Variants in PTPN9 observed in about 807,000 individuals in gnomAD.
PTPN9 encodes the protein protein tyrosine phosphatase non-receptor type 9, also known as tyrosine-protein phosphatase non-receptor type 9.
Under a neutral mutation model 69.8 loss-of-function variants are expected in PTPN9, and 26 were observed. The observed-to-expected ratio is 0.37, with a 90% CI of 0.27 to 0.52. PTPN9 has a LOEUF of 0.52. PTPN9 is among the 20% of genes least tolerant of loss of function. The probability of loss-of-function intolerance (pLI) is 0.91; values close to 1 mark genes in which losing one functional copy is unlikely to be tolerated. For missense variants in PTPN9, 549 were observed against 740.3 expected, an observed-to-expected ratio of 0.74 and a Z score of 3.00; for synonymous variants, 274 against 272.5, an observed-to-expected ratio of 1.01 and a Z score of -0.05.
intron 2 of PTPN9, among the ~76,000 whole-genome samples, chr15:75,526,752 A>G (rs913234803): frequency 6.6e-6 from 1 of 152,178 alleles, no homozygotes; most frequent in African/African-American, 2.4e-5. Flanking sequence ...CAAGTTTCTA[A>G]AAGCCTTAGA....
chr15:75,538,686 CAA>C (rs932178076), intron 1 of PTPN9, among the ~76,000 whole-genome samples: 2 of 135,866 alleles, frequency 1.5e-5, no homozygotes, highest in African/African-American at 2.7e-5. Flanking sequence ...GACCCTGTCT[CAA>C]AAAAAAAAAG....
In PTPN9 at chr15:75,508,914, T is replaced by G. The variant is rs753295803; in HGVS notation, c.639+3A>C. 1 of 1,608,060 alleles carries G rather than the reference T, an allele frequency of 6.2e-7. No individual in the cohort carries two copies. Among genetic ancestry groups the G allele is most frequent in the Non-Finnish European group, 8.5e-7 (1 of 1,174,784 alleles). On this transcript the variant is annotated splice_donor_region_variant and intron_variant, in intron 6 of 12. Coordinates refer to ENST00000618819, the MANE Select transcript of PTPN9 (RefSeq NM_002833.4). Reference sequence around the variant, plus strand: ...CAGATAAAAAAGGGCAAGCTTGCCTTACCCTCTCCCGGACTTTGTCCTTCA... The same window carrying G: ...CAGATAAAAAAGGGCAAGCTTGCCTGACCCTCTCCCGGACTTTGTCCTTCA...
intron 1 of PTPN9, among the ~76,000 whole-genome samples, chr15:75,565,065 C>A (rs766090701): frequency 1.3e-5 from 2 of 150,006 alleles, no homozygotes; most frequent in Non-Finnish European, 3.0e-5. Flanking sequence ...TCTACCACTG[C>A]ACTCCAGCCT....
chr15:75,546,006 C>A (rs1266058810), intron 1 of PTPN9, among the ~76,000 whole-genome samples: 1 of 152,100 alleles, frequency 6.6e-6, no homozygotes, highest in Non-Finnish European at 1.5e-5. Flanking sequence ...ATGGTCTCTA[C>A]CCATAAAAAT....
intron 8 of PTPN9, chr15:75,487,364 A>AT (rs1427027167): frequency 2.0e-5 from 3 of 152,106 alleles, no homozygotes; most frequent in African/African-American, 7.2e-5. Flanking sequence ...ATAAAATAAA[A>AT]AAAAAGCCTA....
chr15:75,475,389 G>A (rs1225994145), intron 9 of PTPN9, among the ~76,000 whole-genome samples: 1 of 152,106 alleles, frequency 6.6e-6, no homozygotes, highest in African/African-American at 2.4e-5. Flanking sequence ...GACCAGCCTG[G>A]CCAACATGGT....
chr15:75,505,663 T>G lies in PTPN9; in HGVS notation c.968+12A>C. On this transcript the variant is annotated intron_variant, in intron 7 of 12. Transcript: ENST00000618819. ...TGGTAACCAGCTGCTGGCCCAAACTTTTTCTACTTACATGGAACAGTGGAA... is the reference window on the plus strand; with the variant it reads ...TGGTAACCAGCTGCTGGCCCAAACTGTTTCTACTTACATGGAACAGTGGAA... The G allele has an allele frequency of 6.2e-7, 1 of 1,602,742 alleles. No homozygotes were observed. Among genetic ancestry groups the G allele is most frequent in the Non-Finnish European group, 8.5e-7 (1 of 1,172,616 alleles).
intron 1 of PTPN9, among the ~76,000 whole-genome samples, chr15:75,548,449 T>TTTTG (rs1217235316): frequency 6.7e-6 from 1 of 150,222 alleles, no homozygotes; most frequent in African/African-American, 2.5e-5. Flanking sequence ...AGAGATAGGG[T>TTTTG]TTTGCCATGT....
chr15:75,523,592 C>T (rs956958434), intron 3 of PTPN9, among the ~76,000 whole-genome samples: 13 of 152,280 alleles, frequency 8.5e-5, no homozygotes, highest in African/African-American at 3.1e-4. Context: ...GGGAACAGGA[C>T]CATGATTTCC....
At chr15:75,488,310 AACTTT>A (rs879871602) in intron 8 of PTPN9, among the ~76,000 whole-genome samples, 3 of 151,900 alleles carry the variant, frequency 2.0e-5, no homozygotes, top group Non-Finnish European at 4.4e-5. Flanking sequence ...AAAATAAAAT[AACTTT>A]ACTTTGAACA....
At position 75,578,507 on chromosome 15, in the gene PTPN9, C is replaced by T. The variant is rs150621787; in HGVS notation, c.63+207G>A. The stretch of plus-strand genomic sequence containing the variant: ...TGGTAAGCCTCGGCGAAAGAAGCGG[C>T]GGGAACGGGAGTAGGGTCCCGTGGG... On this transcript the variant is annotated intron_variant, in intron 1 of 12. Transcript: ENST00000618819. Among the ~76,000 whole-genome samples the T allele has an allele frequency of 1.3e-3, 196 of 152,232 alleles. 1 individual carries two copies. The highest frequency in any genetic ancestry group is 4.4e-3 in the African/African-American group (182 of 41,576).
At chr15:75,503,572 C>T (rs1486448066) in intron 7 of PTPN9, among the ~76,000 whole-genome samples, 1 of 101,414 alleles carries the variant, frequency 9.9e-6, no homozygotes, top group African/African-American at 4.0e-5. Flanking sequence ...GCCCGGCCAG[C>T]CGCTCCGTCC....
At chr15:75,540,559 AAAAGAAAGAAAG>A (rs371414252) in intron 1 of PTPN9, among the ~76,000 whole-genome samples, 3 of 106,698 alleles carry the variant, frequency 2.8e-5, no homozygotes, top group South Asian at 2.4e-4. Flanking sequence ...AAAAAAAAAA[AAAAGAAAGAAAG>A]AAAGAAAGAA....
chr15:75,544,659 C>T (rs944024260), intron 1 of PTPN9, among the ~76,000 whole-genome samples: 4 of 152,182 alleles, frequency 2.6e-5, no homozygotes, highest in Admixed American at 2.0e-4. Context: ...ACACTCTCCA[C>T]AAGAACCTGT....
At chr15:75,541,159 C>G (rs2141330393) in intron 1 of PTPN9, among the ~76,000 whole-genome samples, 1 of 151,918 alleles carries the variant, frequency 6.6e-6, no homozygotes, top group East Asian at 1.9e-4. Flanking sequence ...ATGATCATAG[C>G]TCAGTGTAAC....
chr15:75,529,344 T>A (rs1415322619), intron 1 of PTPN9, among the ~76,000 whole-genome samples: 1 of 152,282 alleles, frequency 6.6e-6, no homozygotes, highest in Non-Finnish European at 1.5e-5. Context: ...GGCTATTCTG[T>A]CCCTTCCATC....
chr15:75,566,861 G>A (rs958466821), intron 1 of PTPN9, among the ~76,000 whole-genome samples: 5 of 151,936 alleles, frequency 3.3e-5, no homozygotes, highest in Admixed American at 6.6e-5. Flanking sequence ...GTGATGACAC[G>A]GGCCTGTGGT....
intron 4 of PTPN9, among the ~76,000 whole-genome samples, chr15:75,522,845 A>G (rs754903605): frequency 2.0e-5 from 3 of 152,198 alleles, no homozygotes; most frequent in African/African-American, 4.8e-5. Context: ...TTCTTTTCCA[A>G]TAAGTAGTTT....
chr15:75,540,479 G>A (rs145019705), intron 1 of PTPN9, among the ~76,000 whole-genome samples: 5,373 of 151,206 alleles, frequency 0.036, 124 homozygotes, highest in Middle Eastern at 0.15. Flanking sequence ...CTTAAACCCA[G>A]GAGGTGGAGG....
Sources: allele counts gnomAD v4.1 joint callset (sites outside exome capture counted in the v4.1 genomes callset), GRCh38; gene constraint gnomAD v4.1.1; transcripts MANE v1.5; gene names NCBI Gene and HGNC (gene_info 2026-07-23, HGNC 2026-07-21).